Variants in ZPLD1 observed in about 807,000 individuals in gnomAD.
The protein encoded by ZPLD1 is zona pellucida-like domain-containing protein 1.
Under a neutral mutation model 47.2 loss-of-function variants are expected in ZPLD1, and 34 were observed. The observed-to-expected ratio is 0.72, with a 90% CI of 0.55 to 0.96. The LOEUF is 0.96. ZPLD1 is among the 40% of genes least tolerant of loss of function. The probability of loss-of-function intolerance (pLI) is 0.00; values close to 1 mark genes in which losing one functional copy is unlikely to be tolerated. For missense variants in ZPLD1, 512 were observed against 505.8 expected, an observed-to-expected ratio of 1.01 and a Z score of -0.12; for synonymous variants, 176 against 186.2, an observed-to-expected ratio of 0.95 and a Z score of 0.45.
intron 6 of ZPLD1, among the ~76,000 whole-genome samples, chr3:102,385,962 C>T (rs1414737110): frequency 3.9e-5 from 6 of 152,340 alleles, no homozygotes; most frequent in Non-Finnish European, 5.9e-5. Flanking sequence ...CAACTTCAAC[C>T]TCTCTGCTCT....
At chr3:102,414,039 G>C (rs1265492461) in intron 7 of ZPLD1, among the ~76,000 whole-genome samples, 1 of 151,748 alleles carries the variant, frequency 6.6e-6, no homozygotes, top group African/African-American at 2.4e-5. Context: ...GTGCTTTCCA[G>C]TTGGACATGA....
intron 8 of ZPLD1, among the ~76,000 whole-genome samples, chr3:102,468,666 A>G (rs1707634512): frequency 6.6e-6 from 1 of 152,134 alleles, no homozygotes. Flanking sequence ...AATAAGTGAG[A>G]TCACCTCTGG....
At position 102,469,152 on chromosome 3, in the gene ZPLD1, C is replaced by A; in HGVS notation, c.933+17C>A. The A allele has an allele frequency of 6.3e-7, 1 of 1,597,564 alleles. No homozygotes were observed. ...CTTATGCCGGTATGTTTTTAAGGAACTTCATTTTAAGTTGTTGAATTGATC... is the reference window on the plus strand; with the variant it reads ...CTTATGCCGGTATGTTTTTAAGGAAATTCATTTTAAGTTGTTGAATTGATC... On this transcript the variant is annotated intron_variant, in intron 9 of 11. Coordinates refer to ENST00000466937, the MANE Select transcript of ZPLD1 (RefSeq NM_001329788.2).
intron 4 of ZPLD1, among the ~76,000 whole-genome samples, chr3:102,455,344 T>C (rs945491831): frequency 6.6e-6 from 1 of 152,324 alleles, no homozygotes; most frequent in South Asian, 2.1e-4. Context: ...ATCTTAAATT[T>C]TAGTAAGACT....
chr3:102,446,478 A>C (rs1707257112), intron 3 of ZPLD1, among the ~76,000 whole-genome samples: 1 of 152,128 alleles, frequency 6.6e-6, no homozygotes, highest in Admixed American at 6.5e-5. Context: ...TCTGTCCCCA[A>C]ATATTAGACT....
intron 7 of ZPLD1, among the ~76,000 whole-genome samples, chr3:102,407,440 T>TATATATATATAC: frequency 1.0e-5 from 1 of 96,432 alleles, no homozygotes; most frequent in East Asian, 2.7e-4. Context: ...TATATATATA[T>TATATATATATAC]ATACACACAT....
intron 8 of ZPLD1, among the ~76,000 whole-genome samples, chr3:102,427,728 T>A (rs1339474939): frequency 6.6e-6 from 1 of 152,134 alleles, no homozygotes; most frequent in Non-Finnish European, 1.5e-5. Flanking sequence ...AGCCCAAACC[T>A]ACAGTTATAT....
intron 7 of ZPLD1, among the ~76,000 whole-genome samples, chr3:102,392,440 A>G (rs2107285163): frequency 6.6e-6 from 1 of 152,224 alleles, no homozygotes; most frequent in African/African-American, 2.4e-5. Context: ...AACCCTCTAT[A>G]GAGTTCCAAG....
chr3:102,421,264 G>A (rs1168837413), intron 8 of ZPLD1, among the ~76,000 whole-genome samples: 3 of 151,692 alleles, frequency 2.0e-5, no homozygotes, highest in Non-Finnish European at 4.4e-5. Flanking sequence ...TATAAATCTT[G>A]TTTATATTAC....
At chr3:102,446,112 A>G (rs1707252205) in intron 3 of ZPLD1, among the ~76,000 whole-genome samples, 1 of 152,190 alleles carries the variant, frequency 6.6e-6, no homozygotes, top group African/African-American at 2.4e-5. Context: ...CTTACACACC[A>G]TTGAAATAAA....
In ZPLD1 at chr3:102,452,853, A is replaced by T. The variant is rs964439126; in HGVS notation, c.107-66A>T. On this transcript the variant is annotated intron_variant, in intron 3 of 11. Coordinates refer to ENST00000466937, the MANE Select transcript of ZPLD1 (RefSeq NM_001329788.2). ...GGAGATGAATAAATATATCAGTAGGATGTTAATGTTATTTATCTTTCTGCT... is the reference window on the plus strand; with the variant it reads ...GGAGATGAATAAATATATCAGTAGGTTGTTAATGTTATTTATCTTTCTGCT... The T allele has an allele frequency of 5.3e-6, 8 of 1,511,428 alleles. No homozygotes were observed. In the South Asian group the frequency reaches 5.8e-5, roughly 11 times the overall value. The allele number at this position is 1,511,428 out of a possible 1,614,324, so 93.6% of individuals were successfully genotyped here. A position where few individuals can be genotyped will look rare whatever the true frequency, so the allele number is the denominator to read the frequency against.
At position 102,464,155 on chromosome 3, in the gene ZPLD1, G is replaced by C. The variant is rs955308921; in HGVS notation, c.681-16G>C. The C allele has an allele frequency of 1.9e-6, 3 of 1,584,218 alleles. No individual in the cohort carries two copies. The highest frequency in any genetic ancestry group is 2.6e-6 in the Non-Finnish European group (3 of 1,153,994). ...GAAATTCTGACTCTAGATTATGTTT[G>C]CTTACATTCTTTCAGATGGAATGTT... On this transcript the variant is annotated splice_polypyrimidine_tract_variant and intron_variant, in intron 7 of 11. Coordinates refer to ENST00000466937, the MANE Select transcript of ZPLD1 (RefSeq NM_001329788.2).
chr3:102,389,819 A>G (rs1706475229), intron 6 of ZPLD1, among the ~76,000 whole-genome samples: 1 of 152,160 alleles, frequency 6.6e-6, no homozygotes, highest in Non-Finnish European at 1.5e-5. Flanking sequence ...TCAGGCCATT[A>G]GCTAATGCAA....
At chr3:102,456,484 C>T (rs1707415444) in intron 5 of ZPLD1, 110 bp downstream of exon 5, 9 of 946,082 alleles carry the variant, frequency 9.5e-6, no homozygotes, top group Admixed American at 9.1e-5. Flanking sequence ...TAGTTAAATT[C>T]AAACAATGTA....
intron 3 of ZPLD1, among the ~76,000 whole-genome samples, chr3:102,444,905 C>T (rs1368278076): frequency 6.6e-6 from 1 of 152,166 alleles, no homozygotes; most frequent in African/African-American, 2.4e-5. Flanking sequence ...ACAGAGCCTC[C>T]TGCCTGCTCA....
intron 7 of ZPLD1, among the ~76,000 whole-genome samples, chr3:102,416,659 ATTTGGGG>A (rs1431187140): frequency 5.3e-5 from 8 of 151,954 alleles, no homozygotes; most frequent in Non-Finnish European, 1.5e-5. Flanking sequence ...AAATGTACAT[ATTTGGGG>A]GTACATGCAA....
chr3:102,454,188 C>G (rs1707378524), intron 4 of ZPLD1, among the ~76,000 whole-genome samples: 1 of 152,168 alleles, frequency 6.6e-6, no homozygotes, highest in Admixed American at 6.5e-5. Flanking sequence ...TGTTCTTTAT[C>G]TTTTCCCAGA....
chr3:102,414,191 G>T (rs1359174993), intron 7 of ZPLD1, among the ~76,000 whole-genome samples: 2 of 151,762 alleles, frequency 1.3e-5, no homozygotes, highest in African/African-American at 2.4e-5. Context: ...TAACTACTGG[G>T]TTCAGGACAA....
chr3:102,448,856 A>G (rs1707296050), intron 3 of ZPLD1, among the ~76,000 whole-genome samples: 2 of 152,230 alleles, frequency 1.3e-5, no homozygotes, highest in Non-Finnish European at 2.9e-5. Flanking sequence ...CTTTTGTGAC[A>G]TATTCATTAA....
Sources: gnomAD v4.1 joint callset for allele counts (sites outside exome capture counted in the v4.1 genomes callset) on GRCh38, gnomAD v4.1.1 for gene constraint, MANE v1.5 for transcripts, NCBI Gene and HGNC (gene_info 2026-07-23, HGNC 2026-07-21) for gene names.